Variants in SMTNL1 observed in about 807,000 individuals in gnomAD.
The protein encoded by SMTNL1 is smoothelin like 1, also known as smoothelin-like protein 1.
In SMTNL1, 41 loss-of-function variants were observed where a neutral mutation model predicts 46.6. That is an observed-to-expected ratio of 0.88 (90% CI 0.69 to 1.14). SMTNL1 has a LOEUF of 1.14. Ranked by LOEUF, SMTNL1 falls within the 50% of genes most tolerant of loss-of-function variation. SMTNL1 has a pLI of 0.00. For missense variants in SMTNL1, 591 were observed against 626.1 expected (o/e 0.94, Z 0.60); for synonymous variants, 234 against 234.2 (o/e 1.00, Z 0.01).
At chr11:57,542,612 G>A (rs1216232949) in intron 1 of SMTNL1, 29 bp from the exon 2 acceptor site, 6 of 1,571,390 alleles carry the variant, frequency 3.8e-6, no homozygotes, top group Non-Finnish European at 5.2e-6. Flanking sequence ...GCTGGGGCAT[G>A]ACCAGGTCTG....
intron 1 of SMTNL1, among the ~76,000 whole-genome samples, chr11:57,538,803 T>C (rs1437730321): frequency 6.6e-6 from 1 of 152,160 alleles, no homozygotes; most frequent in East Asian, 1.9e-4. Context: ...GAGCAAGAAA[T>C]GACCAAGAGA....
rs747271880 is a variant in SMTNL1, at chr11:57,542,811, C to A, written c.169C>A (p.Pro57Thr). The A allele has an allele frequency of 1.2e-6, 2 of 1,613,796 alleles. No homozygotes were observed. The highest frequency in any genetic ancestry group is 1.7e-6 in the Non-Finnish European group (2 of 1,179,834). Reference protein sequence around the residue: ...PTESGKQEKAPAEDGMSAELQ... With the variant: ...PTESGKQEKATAEDGMSAELQ... ...TGAGTCAGGAAAGCAGGAAAAGGCA[C>A]CAGCCGAGGACGGCATGTCAGCAGA... Residue 57 changes from proline to threonine, a missense_variant, in exon 2 of 8, where the codon CCA (proline) becomes ACA (threonine). Physicochemically the swap from Pro to Thr is conservative, Grantham distance 38. Coordinates refer to ENST00000527972, the MANE Select transcript of SMTNL1 (RefSeq NM_001105565.3).
rs996972718 is a variant in SMTNL1 at position 57,546,228 on chromosome 11, C to A, written c.1074-5C>A. Reference sequence around the variant, plus strand: ...GCTTGGCCTTGCACCCCTCTCCCCTCACAGGGCAGCTTCCGGCCCCACGGC... The same window carrying A: ...GCTTGGCCTTGCACCCCTCTCCCCTAACAGGGCAGCTTCCGGCCCCACGGC... On this transcript the variant is annotated splice_region_variant and splice_polypyrimidine_tract_variant and intron_variant, in intron 5 of 7. Transcript: ENST00000527972. 1 of 1,590,588 alleles carries A rather than the reference C, an allele frequency of 6.3e-7. No individual in the cohort carries two copies. The highest frequency in any genetic ancestry group is 2.3e-5 in the East Asian group (1 of 43,842).
intron 1 of SMTNL1, chr11:57,541,392 G>A (rs559133075): frequency 4.8e-5 from 37 of 766,698 alleles, no homozygotes; most frequent in Non-Finnish European, 7.1e-5. Flanking sequence ...CCCAAAAAGG[G>A]CAGGAGCATG....
At chr11:57,545,436 C>T (rs975375017) in intron 4 of SMTNL1, among the ~76,000 whole-genome samples, 1 of 151,794 alleles carries the variant, frequency 6.6e-6, no homozygotes, top group Non-Finnish European at 1.5e-5. Context: ...GCAATCCCAT[C>T]TCTACTAATA....
chr11:57,544,932 G>A (rs1944910454), intron 4 of SMTNL1, among the ~76,000 whole-genome samples: 1 of 151,514 alleles, frequency 6.6e-6, no homozygotes, highest in Non-Finnish European at 1.5e-5. Context: ...TGCCTCCCGG[G>A]TTCAAGCGAT....
rs1343975322 is a variant in SMTNL1 at position 57,543,765 on chromosome 11, G to A, written c.865+9G>A. On this transcript the variant is annotated intron_variant, in intron 3 of 7. Transcript: ENST00000527972. The stretch of plus-strand genomic sequence containing the variant: ...GCACAACCTCAGCACAGGTGAGTGA[G>A]AGCCCAGAGCCCATGGGATGCTGCA... The A allele has an allele frequency of 1.9e-6, 3 of 1,556,630 alleles. No individual in the cohort carries two copies. Among genetic ancestry groups the A allele is most frequent in the Non-Finnish European group, 2.6e-6 (3 of 1,150,034 alleles).
intron 1 of SMTNL1, chr11:57,541,434 T>C: frequency 1.5e-6 from 2 of 1,320,312 alleles, no homozygotes; most frequent in Non-Finnish European, 2.0e-6. Flanking sequence ...CACACACCTG[T>C]TTTTGTAGAT....
chr11:57,546,443 A>T, intron 6 of SMTNL1, 58 bp from the exon 7 acceptor site: 1 of 1,605,732 alleles, frequency 6.2e-7, no homozygotes, highest in Non-Finnish European at 8.5e-7. Context: ...AAGGGGGCCA[A>T]GTCCAGGCCA....
intron 3 of SMTNL1, 28 bp downstream of exon 3, chr11:57,543,784 T>C: frequency 5.1e-6 from 8 of 1,556,306 alleles, no homozygotes; most frequent in Non-Finnish European, 6.1e-6. Flanking sequence ...GCCCATGGGA[T>C]GCTGCAGAGG....
At chr11:57,539,613 T>C (rs955699853) in intron 1 of SMTNL1, among the ~76,000 whole-genome samples, 1 of 152,150 alleles carries the variant, frequency 6.6e-6, no homozygotes, top group East Asian at 1.9e-4. Context: ...TTTTGTTTTG[T>C]TTTTTTAAGA....
chr11:57,548,477 C>T (rs1256144215), intron 7 of SMTNL1, among the ~76,000 whole-genome samples: 2 of 152,116 alleles, frequency 1.3e-5, no homozygotes, highest in Admixed American at 6.6e-5. Flanking sequence ...CAAGATCAGC[C>T]TGGCCAACAT....
At chr11:57,539,635 A>C (rs1944857703) in intron 1 of SMTNL1, among the ~76,000 whole-genome samples, 1 of 152,086 alleles carries the variant, frequency 6.6e-6, no homozygotes, top group South Asian at 2.1e-4. Context: ...CTGAGGTCTC[A>C]CTTTGTTGCC....
At position 57,546,701 on chromosome 11, in the gene SMTNL1, G is replaced by C. The variant is rs370609744; in HGVS notation, c.1340+49G>C. ...AGAGCTGGATGGGAGCCTAGGCGAG[G>C]ACTGGATTCACAGGGGTTGAGTAGT... On this transcript the variant is annotated intron_variant, in intron 7 of 7. Transcript: ENST00000527972. The C allele has an allele frequency of 1.1e-5, 18 of 1,584,698 alleles. No homozygotes were observed. In the East Asian group the frequency reaches 1.8e-4, roughly 16 times the overall value.
At position 57,545,910 on chromosome 11, in the gene SMTNL1, G is replaced by A. The variant is rs746152182; in HGVS notation, c.947G>A (p.Ser316Asn). Residue 316 changes from serine to asparagine, a missense_variant, in exon 5 of 8, where the codon AGT becomes AAT. Coordinates refer to ENST00000527972, the MANE Select transcript of SMTNL1 (RefSeq NM_001105565.3). The stretch of plus-strand genomic sequence containing the variant: ...TCTTCACCCAGCGACGTGCCCCAGA[G>A]TCCCCCTGAGTCCCCTTCCTCAGGG... ...SESSPSDVPQ[S>N]PPESPSSGEK... 6.2e-6 allele frequency: 10 copies of A among 1,613,418 alleles called. No homozygotes were observed. Among genetic ancestry groups the A allele is most frequent in the Non-Finnish European group, 8.5e-6 (10 of 1,179,730 alleles).
Position 57,546,345 on chromosome 11 carries a change from G to C in SMTNL1, c.1186G>C (p.Glu396Gln), listed in dbSNP as rs555332890. The C allele has an allele frequency of 1.2e-6, 2 of 1,606,500 alleles. No individual in the cohort carries two copies. Among genetic ancestry groups the C allele is most frequent in the Non-Finnish European group, 1.7e-6 (2 of 1,176,640 alleles). The part of the protein sequence containing the change: ...EWCRAMTKKY[E>Q]HVDIQNFSSS... Reference sequence around the variant, plus strand: ...GTGCCGAGCCATGACAAAAAAATACGAGGTGGGCATGGGGCAGAGCTGCGT... The same window carrying C: ...GTGCCGAGCCATGACAAAAAAATACCAGGTGGGCATGGGGCAGAGCTGCGT... The change falls in exon 6 of 8, where the codon GAG becomes CAG. Residue 396 changes from glutamate (E) to glutamine (Q), a missense_variant and splice_region_variant. Coordinates refer to ENST00000527972, the MANE Select transcript of SMTNL1 (RefSeq NM_001105565.3).
At position 57,543,887 on chromosome 11, in the gene SMTNL1, G is replaced by A. The variant is rs1944902304; in HGVS notation, c.884G>A (p.Cys295Tyr). ...NLSTDGLGPD[C>Y]VASGQTSPSA... ...CCTCCAGATGGGCTGGGTCCAGACT[G>A]TGTAGCTTCCGGACAGACCAGTCCT... The change falls in exon 4 of 8, where the codon TGT becomes TAT. Residue 295 changes from cysteine to tyrosine, a missense_variant. Cys to Tyr is a radical substitution (Grantham distance 194, BLOSUM62 -2). Coordinates refer to ENST00000527972, the MANE Select transcript of SMTNL1 (RefSeq NM_001105565.3). 1 of 1,592,530 alleles carries A rather than the reference G, an allele frequency of 6.3e-7. No individual in the cohort carries two copies. The highest frequency in any genetic ancestry group is 8.6e-7 in the Non-Finnish European group (1 of 1,169,392).
At position 57,542,915 on chromosome 11, in the gene SMTNL1, G is replaced by A. The variant is rs755297717; in HGVS notation, c.273G>A (p.Glu91=). 35 of 1,607,494 alleles carry A rather than the reference G, an allele frequency of 2.2e-5. No individual in the cohort carries two copies. The African/African-American group carries it at 3.6e-4, about 17-fold the overall frequency. Reference sequence around the variant, plus strand: ...AGGCTGGTGGGAAAGAGGATGCTGAGGCTGAACTTAAAAAGGAGGATGGTG... The same window carrying A: ...AGGCTGGTGGGAAAGAGGATGCTGAAGCTGAACTTAAAAAGGAGGATGGTG... ...QREAGGKEDA[E]AELKKEDGEK... is the part of the protein sequence containing the mutation. The change falls in exon 2 of 8, where the codon GAG becomes GAA. Residue 91 remains glutamate, a synonymous_variant. Coordinates refer to ENST00000527972, the MANE Select transcript of SMTNL1 (RefSeq NM_001105565.3).
Position 57,546,363 on chromosome 11 carries a change from A to G in SMTNL1, c.1188+16A>G. 7.4e-7 allele frequency: 1 copy of G among 1,345,740 alleles called. No homozygotes were observed. Among genetic ancestry groups the G allele is most frequent in the Non-Finnish European group, 9.8e-7 (1 of 1,021,948 alleles). 83.4% of individuals were successfully genotyped at this position (1,345,740 alleles called of 1,614,324 possible). A position where few individuals can be genotyped will look rare whatever the true frequency, so the allele number is the denominator to read the frequency against. On this transcript the variant is annotated intron_variant, in intron 6 of 7. Coordinates refer to ENST00000527972, the MANE Select transcript of SMTNL1 (RefSeq NM_001105565.3). ...AAAATACGAGGTGGGCATGGGGCAGAGCTGCGTGGGTGGGGCAGGGGTCCA... is the reference window on the plus strand; with the variant it reads ...AAAATACGAGGTGGGCATGGGGCAGGGCTGCGTGGGTGGGGCAGGGGTCCA...
Sources: allele counts gnomAD v4.1 joint callset (sites outside exome capture counted in the v4.1 genomes callset), GRCh38; gene constraint gnomAD v4.1.1; transcripts MANE v1.5; gene names NCBI Gene and HGNC (gene_info 2026-07-23, HGNC 2026-07-21).